Variants in PXDNL observed in about 807,000 individuals in gnomAD.
The protein encoded by PXDNL is peroxidasin like.
Under a neutral mutation model 150.8 loss-of-function variants are expected in PXDNL, and 145 were observed. The ratio of observed to expected loss-of-function variants is 0.96; its 90% CI spans 0.84 to 1.10. The LOEUF is 1.10. Ranked by LOEUF, PXDNL falls within the 50% of genes least tolerant of loss-of-function variation. The probability of loss-of-function intolerance (pLI) is 0.00; values close to 1 mark genes in which losing one functional copy is unlikely to be tolerated. For missense variants in PXDNL, 2,087 were observed against 1,873.9 expected (o/e 1.11, Z -2.10); for synonymous variants, 757 against 725.7 (o/e 1.04, Z -0.69).
intron 3 of PXDNL, among the ~76,000 whole-genome samples, chr8:51,565,771 T>C (rs1812815734): frequency 1.3e-5 from 2 of 151,876 alleles, no homozygotes; most frequent in African/African-American, 4.8e-5. Flanking sequence ...GAAACATAAA[T>C]GAATTTCATG....
At chr8:51,418,463 C>T (rs573541401) in intron 14 of PXDNL, among the ~76,000 whole-genome samples, 1 of 152,246 alleles carries the variant, frequency 6.6e-6, no homozygotes, top group African/African-American at 2.4e-5. Context: ...CCACTTATAA[C>T]TCTGCAACAA....
intron 12 of PXDNL, among the ~76,000 whole-genome samples, chr8:51,429,186 G>T (rs536884827): frequency 1.1e-4 from 16 of 152,278 alleles, no homozygotes; most frequent in African/African-American, 3.8e-4. Flanking sequence ...ATTACAAATT[G>T]CAGGCAAGGA....
intron 17 of PXDNL, among the ~76,000 whole-genome samples, chr8:51,386,642 C>G (rs927469850): frequency 6.6e-6 from 1 of 151,624 alleles, no homozygotes; most frequent in Non-Finnish European, 1.5e-5. Context: ...TAGATGGAAA[C>G]GTCGTCTCTA....
chr8:51,542,575 G>A (rs374122646), intron 4 of PXDNL, among the ~76,000 whole-genome samples: 9 of 151,726 alleles, frequency 5.9e-5, no homozygotes, highest in African/African-American at 1.4e-4. Flanking sequence ...TTTGGAGGCC[G>A]AAGCAGATGA....
At chr8:51,523,860 C>G (rs1811710566) in intron 4 of PXDNL, among the ~76,000 whole-genome samples, 1 of 152,082 alleles carries the variant, frequency 6.6e-6, no homozygotes, top group African/African-American at 2.4e-5. Flanking sequence ...TTTTTAATCC[C>G]TGAAAGAAAT....
chr8:51,803,128 G>A (rs940074135), intron 1 of PXDNL, among the ~76,000 whole-genome samples: 18 of 152,180 alleles, frequency 1.2e-4, no homozygotes, highest in African/African-American at 2.2e-4. Context: ...GCAGCAACGA[G>A]GCTTCCAGAG....
intron 8 of PXDNL, among the ~76,000 whole-genome samples, chr8:51,458,433 C>A (rs1480823777): frequency 1.3e-5 from 2 of 151,972 alleles, no homozygotes; most frequent in Admixed American, 1.3e-4. Context: ...GATTTTTTTC[C>A]TTTAAAAATA....
At chr8:51,656,580 A>G (rs1366910926) in intron 1 of PXDNL, among the ~76,000 whole-genome samples, 3 of 152,172 alleles carry the variant, frequency 2.0e-5, no homozygotes, top group Non-Finnish European at 4.4e-5. Context: ...AATAATCCTA[A>G]TAATTCTCCC....
At chr8:51,735,003 TAAC>T (rs1343483128) in intron 1 of PXDNL, among the ~76,000 whole-genome samples, 1 of 152,212 alleles carries the variant, frequency 6.6e-6, no homozygotes, top group East Asian at 1.9e-4. Context: ...CTATGGTTAA[TAAC>T]AACATATATT....
intron 17 of PXDNL, among the ~76,000 whole-genome samples, chr8:51,395,811 T>C (rs1808064464): frequency 6.6e-6 from 1 of 152,160 alleles, no homozygotes; most frequent in Non-Finnish European, 1.5e-5. Flanking sequence ...TCCAAAACTT[T>C]AAAAAATCTA....
At chr8:51,435,212 T>G (rs2129831890) in intron 12 of PXDNL, among the ~76,000 whole-genome samples, 1 of 151,950 alleles carries the variant, frequency 6.6e-6, no homozygotes, top group South Asian at 2.1e-4. Flanking sequence ...TCCCAGCTAC[T>G]CAGGAGGCGG....
intron 7 of PXDNL, among the ~76,000 whole-genome samples, chr8:51,473,760 A>C (rs969506808): frequency 1.3e-5 from 2 of 152,088 alleles, no homozygotes; most frequent in African/African-American, 4.8e-5. Context: ...AAAAAAAAAA[A>C]AAACAGTAAG....
chr8:51,797,019 A>T (rs563461773), intron 1 of PXDNL, among the ~76,000 whole-genome samples: 1 of 152,352 alleles, frequency 6.6e-6, no homozygotes, highest in Non-Finnish European at 1.5e-5. Context: ...GCTGGTCAAC[A>T]TATGCAAATT....
intron 17 of PXDNL, among the ~76,000 whole-genome samples, chr8:51,391,398 C>A (rs1198363419): frequency 1.5e-4 from 23 of 152,118 alleles, no homozygotes; most frequent in Non-Finnish European, 2.9e-4. Context: ...TCCTCTCCAG[C>A]ACCTGTTGTT....
intron 19 of PXDNL, among the ~76,000 whole-genome samples, chr8:51,355,609 T>C (rs1469724967): frequency 6.6e-6 from 1 of 152,194 alleles, no homozygotes; most frequent in African/African-American, 2.4e-5. Flanking sequence ...TGAGAGTAAA[T>C]CATTTTCTGT....
chr8:51,592,137 A>G (rs1251548640), intron 3 of PXDNL, among the ~76,000 whole-genome samples: 5 of 152,192 alleles, frequency 3.3e-5, no homozygotes, highest in African/African-American at 1.2e-4. Context: ...AACCATGACA[A>G]TTGTCAGTGA....
chr8:51,450,408 G>A (rs143576815), intron 10 of PXDNL, among the ~76,000 whole-genome samples: 2 of 152,226 alleles, frequency 1.3e-5, no homozygotes, highest in East Asian at 3.9e-4. Flanking sequence ...ATTTTACCCA[G>A]CCCTCATTCA....
chr8:51,594,289 C>A (rs1055804703), intron 2 of PXDNL, among the ~76,000 whole-genome samples: 3 of 151,874 alleles, frequency 2.0e-5, no homozygotes, highest in African/African-American at 7.3e-5. Context: ...ATATTAATCA[C>A]AGATCACAAA....
chr8:51,797,935 G>T (rs888076838), intron 1 of PXDNL, among the ~76,000 whole-genome samples: 1 of 152,042 alleles, frequency 6.6e-6, no homozygotes, highest in Non-Finnish European at 1.5e-5. Context: ...AATACAACAA[G>T]GCTACAGTAA....
Sources: gnomAD v4.1 joint callset for allele counts (sites outside exome capture counted in the v4.1 genomes callset) on GRCh38, gnomAD v4.1.1 for gene constraint, MANE v1.5 for transcripts, NCBI Gene and HGNC (gene_info 2026-07-23, HGNC 2026-07-21) for gene names.